WWC2: variants seen among roughly 807,000 people sequenced by gnomAD.
The protein encoded by WWC2 is WW and C2 domain containing 2.
In WWC2, 101 loss-of-function variants were observed where a neutral mutation model predicts 138.5. The observed-to-expected ratio is 0.73, with a 90% CI of 0.62 to 0.86. The LOEUF is 0.86. Among genes scored for constraint, WWC2 ranks in the 40% least tolerant of loss-of-function variants. The probability of loss-of-function intolerance (pLI) is 0.00; values close to 1 mark genes in which losing one functional copy is unlikely to be tolerated. For synonymous variants in WWC2, 558 were observed against 538.4 expected (o/e 1.04, Z -0.50); for missense variants, 1,420 against 1,419.4 (o/e 1.00, Z -0.01).
At chr4:183,155,602 G>A (rs764235611) in intron 1 of WWC2, among the ~76,000 whole-genome samples, 2 of 152,108 alleles carry the variant, frequency 1.3e-5, no homozygotes, top group Non-Finnish European at 2.9e-5. Context: ...TGAAAAAGGT[G>A]TCTGTGTAGA....
chr4:183,184,884 A>G (rs1229504623), intron 1 of WWC2, among the ~76,000 whole-genome samples: 2 of 151,922 alleles, frequency 1.3e-5, no homozygotes, highest in African/African-American at 4.9e-5. Flanking sequence ...TACTATTCCA[A>G]ATAGGAGGAC....
At chr4:183,159,269 A>G (rs1733890984) in intron 1 of WWC2, among the ~76,000 whole-genome samples, 1 of 152,156 alleles carries the variant, frequency 6.6e-6, no homozygotes, top group African/African-American at 2.4e-5. Context: ...CTGACTAGGC[A>G]TGGATTTATG....
intron 1 of WWC2, among the ~76,000 whole-genome samples, chr4:183,144,081 G>A (rs960690501): frequency 3.3e-5 from 5 of 152,116 alleles, no homozygotes; most frequent in Non-Finnish European, 7.3e-5. Context: ...GTATCTTCAG[G>A]TATATGTATT....
intron 2 of WWC2, among the ~76,000 whole-genome samples, chr4:183,202,202 G>A (rs1401749180): frequency 1.3e-5 from 2 of 152,118 alleles, no homozygotes; most frequent in Admixed American, 6.5e-5. Flanking sequence ...GGGGGGTGGT[G>A]TAGGGCAGGG....
intron 1 of WWC2, among the ~76,000 whole-genome samples, chr4:183,102,591 G>C (rs1250011129): frequency 6.6e-6 from 1 of 152,108 alleles, no homozygotes; most frequent in Non-Finnish European, 1.5e-5. Context: ...AAATTGTCTC[G>C]ACGCTTGCGC....
At chr4:183,130,163 C>T (rs929858733) in intron 1 of WWC2, among the ~76,000 whole-genome samples, 4 of 151,856 alleles carry the variant, frequency 2.6e-5, no homozygotes, top group African/African-American at 9.7e-5. Context: ...CGCCATTCTC[C>T]TGCCTCAGCC....
chr4:183,182,440 TC>T, intron 1 of WWC2, among the ~76,000 whole-genome samples: 2 of 152,330 alleles, frequency 1.3e-5, no homozygotes, highest in Middle Eastern at 6.8e-3. Context: ...GTTCTCTACC[TC>T]TCTCAAACAC....
At position 183,248,864 on chromosome 4, in the gene WWC2, AG is replaced by A; in HGVS notation, c.879+5del. ...ACAAACAAGCATTTCCGGAGATGTA[AG>A]TTATCTGTGCTGAAGAGTTGGCCCA... On this transcript the variant is annotated splice_donor_5th_base_variant and intron_variant, in intron 7 of 22. Coordinates refer to ENST00000403733, the MANE Select transcript of WWC2 (RefSeq NM_024949.6). 1 of 1,590,754 alleles carries A rather than the reference AG, an allele frequency of 6.3e-7. No homozygotes were observed. The highest frequency in any genetic ancestry group is 8.6e-7 in the Non-Finnish European group (1 of 1,166,076).
chr4:183,109,214 TAAA>T (rs772400820), intron 1 of WWC2, among the ~76,000 whole-genome samples: 1 of 152,096 alleles, frequency 6.6e-6, no homozygotes, highest in Non-Finnish European at 1.5e-5. Context: ...CAAACAAAAA[TAAA>T]GAAGAATATG....
chr4:183,276,641 TCATTGA>T (rs983242680), intron 16 of WWC2, among the ~76,000 whole-genome samples: 1 of 152,162 alleles, frequency 6.6e-6, no homozygotes, highest in African/African-American at 2.4e-5. Flanking sequence ...TATTATTGTT[TCATTGA>T]CAGTTAGTAT....
At chr4:183,214,610 T>C (rs1265694022) in intron 4 of WWC2, among the ~76,000 whole-genome samples, 2 of 151,884 alleles carry the variant, frequency 1.3e-5, no homozygotes, top group African/African-American at 4.8e-5. Context: ...CTGACCAACA[T>C]GGAGAAACCC....
chr4:183,132,470 T>C (rs561722675), intron 1 of WWC2, among the ~76,000 whole-genome samples: 1 of 152,010 alleles, frequency 6.6e-6, no homozygotes, highest in East Asian at 1.9e-4. Flanking sequence ...TTTTTTTTTT[T>C]TGAGACGGAG....
intron 1 of WWC2, among the ~76,000 whole-genome samples, chr4:183,115,592 T>C (rs921126871): frequency 6.6e-6 from 1 of 152,232 alleles, no homozygotes; most frequent in Admixed American, 6.5e-5. Context: ...CATTGTGGTT[T>C]TGATTTGCAT....
At chr4:183,220,339 C>G (rs900779801) in intron 4 of WWC2, among the ~76,000 whole-genome samples, 2 of 152,122 alleles carry the variant, frequency 1.3e-5, no homozygotes, top group Non-Finnish European at 2.9e-5. Context: ...GTAATTTGTC[C>G]TGCAGCATCA....
At chr4:183,221,930 C>T (rs1368287465) in intron 4 of WWC2, among the ~76,000 whole-genome samples, 1 of 152,158 alleles carries the variant, frequency 6.6e-6, no homozygotes, top group African/African-American at 2.4e-5. Flanking sequence ...AGCATATACC[C>T]ATACAACGAA....
At chr4:183,219,643 AT>A (rs1735866599) in intron 4 of WWC2, among the ~76,000 whole-genome samples, 2 of 152,364 alleles carry the variant, frequency 1.3e-5, no homozygotes, top group South Asian at 4.1e-4. Context: ...GAACGGAAGG[AT>A]GCTGTCATAA....
intron 2 of WWC2, among the ~76,000 whole-genome samples, chr4:183,196,300 A>G (rs1735140701): frequency 6.6e-6 from 1 of 151,980 alleles, no homozygotes; most frequent in African/African-American, 2.4e-5. Flanking sequence ...TCCAAACAAC[A>G]CTGTAGTCTT....
At chr4:183,254,453 A>G (rs1737077988) in intron 9 of WWC2, among the ~76,000 whole-genome samples, 2 of 152,154 alleles carry the variant, frequency 1.3e-5, no homozygotes, top group Non-Finnish European at 2.9e-5. Context: ...CAACGTACTC[A>G]CTTGCATTTT....
At chr4:183,130,091 C>T (rs947803036) in intron 1 of WWC2, among the ~76,000 whole-genome samples, 1 of 146,962 alleles carries the variant, frequency 6.8e-6, no homozygotes. Flanking sequence ...CTTGCTCTGT[C>T]GCCCAGGGTG....
Sources: allele counts gnomAD v4.1 joint callset (sites outside exome capture counted in the v4.1 genomes callset), GRCh38; gene constraint gnomAD v4.1.1; transcripts MANE v1.5; gene names NCBI Gene and HGNC (gene_info 2026-07-23, HGNC 2026-07-21).